The following PKN2 variants were observed in gnomAD, a reference collection of about 807,000 sequenced individuals.
The protein encoded by PKN2 is serine/threonine-protein kinase N2.
Under a neutral mutation model 119.1 loss-of-function variants are expected in PKN2, and 38 were observed. The observed-to-expected ratio is 0.32, with a 90% confidence interval of 0.25 to 0.42. The LOEUF is 0.42. Ranked by LOEUF, PKN2 falls within the 10% of genes least tolerant of loss-of-function variation. PKN2 has a pLI of 1.00. For synonymous variants in PKN2, 390 were observed against 384.9 expected (o/e 1.01, Z -0.15); for missense variants, 850 against 1,165.1 (o/e 0.73, Z 3.94).
chr1:88,685,921 A>T (rs1215271854), intron 1 of PKN2, among the ~76,000 whole-genome samples: 1 of 152,196 alleles, frequency 6.6e-6, no homozygotes, highest in African/African-American at 2.4e-5. Context: ...AAACTTTGGT[A>T]TAATGGTTGA....
At chr1:88,777,308 C>T (rs894241631) in intron 6 of PKN2, among the ~76,000 whole-genome samples, 12 of 152,016 alleles carry the variant, frequency 7.9e-5, no homozygotes, top group Non-Finnish European at 1.6e-4. Flanking sequence ...CATCACTTTT[C>T]TTGTTTCCCC....
intron 16 of PKN2, among the ~76,000 whole-genome samples, chr1:88,819,392 A>G (rs1390047217): frequency 6.6e-6 from 1 of 152,066 alleles, no homozygotes; most frequent in African/African-American, 2.4e-5. Context: ...CAAGACATTT[A>G]TCCAAAAAAC....
intron 3 of PKN2, among the ~76,000 whole-genome samples, chr1:88,769,278 G>A (rs1669790479): frequency 6.6e-6 from 1 of 152,118 alleles, no homozygotes; most frequent in South Asian, 2.1e-4. Flanking sequence ...TGACATTAAA[G>A]TGTTTCTAGG....
chr1:88,706,481 G>T (rs923032998), intron 1 of PKN2, among the ~76,000 whole-genome samples: 1 of 151,934 alleles, frequency 6.6e-6, no homozygotes, highest in Non-Finnish European at 1.5e-5. Flanking sequence ...TTTCTTGCTT[G>T]GTTGCACTGG....
At chr1:88,690,334 ATGT>A (rs1666281361) in intron 1 of PKN2, among the ~76,000 whole-genome samples, 1 of 152,230 alleles carries the variant, frequency 6.6e-6, no homozygotes, top group African/African-American at 2.4e-5. Flanking sequence ...ACCTAAAATA[ATGT>A]TACTTTCATA....
At chr1:88,798,597 A>AGTG (rs1294871142) in intron 8 of PKN2, among the ~76,000 whole-genome samples, 1 of 152,206 alleles carries the variant, frequency 6.6e-6, no homozygotes, top group East Asian at 1.9e-4. Context: ...GTGGCCTGAA[A>AGTG]GTGCTAAAGA....
intron 2 of PKN2, among the ~76,000 whole-genome samples, chr1:88,757,210 A>G (rs1021725824): frequency 6.6e-6 from 1 of 152,216 alleles, no homozygotes; most frequent in African/African-American, 2.4e-5. Flanking sequence ...AGTATGGATA[A>G]TATCTGTCTC....
At chr1:88,712,271 C>T (rs1028384101) in intron 1 of PKN2, among the ~76,000 whole-genome samples, 8 of 151,766 alleles carry the variant, frequency 5.3e-5, no homozygotes, top group South Asian at 2.1e-4. Context: ...AATAGGATGG[C>T]GCATATAATA....
rs188058855 is a variant in PKN2 at position 88,767,941 on chromosome 1, C to G, written c.505-2411C>G. 1.8e-4 allele frequency among the ~76,000 whole-genome samples: 28 copies of G among 152,170 alleles called. No individual in the cohort carries two copies. The East Asian group carries it at 5.4e-3, about 29-fold the overall frequency. On this transcript the variant is annotated intron_variant, in intron 3 of 21. Coordinates refer to ENST00000370521, the MANE Select transcript of PKN2 (RefSeq NM_006256.4). ...CGTCATCAAGCGTGTCTCTTGGGTT[C>G]TAAGAGACATGAATCTCCAGGAGAA...
chr1:88,711,099 C>T (rs961635570), intron 1 of PKN2, among the ~76,000 whole-genome samples: 6 of 152,032 alleles, frequency 3.9e-5, no homozygotes, highest in South Asian at 4.2e-4. Context: ...GATGAGAACA[C>T]GTGGGCACAT....
At chr1:88,746,662 G>A (rs1470787571) in intron 2 of PKN2, among the ~76,000 whole-genome samples, 4 of 152,100 alleles carry the variant, frequency 2.6e-5, no homozygotes, top group Admixed American at 2.0e-4. Context: ...TGGTGGTATT[G>A]TAACATTAGT....
chr1:88,817,495 C>T (rs890413959), intron 16 of PKN2, among the ~76,000 whole-genome samples: 2 of 151,186 alleles, frequency 1.3e-5, no homozygotes, highest in Non-Finnish European at 2.9e-5. Context: ...AGCACCAGGT[C>T]AGGATATCGA....
chr1:88,796,146 T>C (rs1259950538), intron 8 of PKN2, among the ~76,000 whole-genome samples: 1 of 152,216 alleles, frequency 6.6e-6, no homozygotes, highest in African/African-American at 2.4e-5. Flanking sequence ...ACCAGAAGTA[T>C]TTTAGATTCC....
intron 1 of PKN2, among the ~76,000 whole-genome samples, chr1:88,723,543 T>A (rs1667781415): frequency 6.6e-6 from 1 of 151,952 alleles, no homozygotes; most frequent in African/African-American, 2.4e-5. Context: ...TGCTTCAGCC[T>A]CCCAAGTAGC....
chr1:88,815,039 G>A (rs1671929256), intron 16 of PKN2, among the ~76,000 whole-genome samples: 1 of 152,132 alleles, frequency 6.6e-6, no homozygotes, highest in South Asian at 2.1e-4. Flanking sequence ...TTAAAAGGAG[G>A]GAAAAGCCAG....
chr1:88,692,370 C>G (rs542822201), intron 1 of PKN2, among the ~76,000 whole-genome samples: 1 of 152,110 alleles, frequency 6.6e-6, no homozygotes, highest in Non-Finnish European at 1.5e-5. Flanking sequence ...GCCACAGTTC[C>G]TATTATATAC....
chr1:88,781,266 G>A, intron 6 of PKN2: 1 of 616,616 alleles, frequency 1.6e-6, no homozygotes, highest in South Asian at 2.2e-5. Flanking sequence ...ACTGAAATTT[G>A]CCAGTTTGTT....
At chr1:88,814,815 A>T (rs1251121819) in intron 16 of PKN2, among the ~76,000 whole-genome samples, 1 of 152,182 alleles carries the variant, frequency 6.6e-6, no homozygotes. Context: ...CCCAGTAGTA[A>T]ATCTCTATTG....
At chr1:88,778,413 T>A (rs1670191776) in intron 6 of PKN2, among the ~76,000 whole-genome samples, 1 of 152,268 alleles carries the variant, frequency 6.6e-6, no homozygotes, top group Non-Finnish European at 1.5e-5. Context: ...ACTCTGCATT[T>A]GCTTTGTGCA....
Sources: gnomAD v4.1 joint callset for allele counts (sites outside exome capture counted in the v4.1 genomes callset) on GRCh38, gnomAD v4.1.1 for gene constraint, MANE v1.5 for transcripts, NCBI Gene and HGNC (gene_info 2026-07-23, HGNC 2026-07-21) for gene names.